GET3: variants seen among roughly 807,000 people sequenced by gnomAD.
GET3 encodes the protein guided entry of tail-anchored proteins factor 3, ATPase.
Under a neutral mutation model 32.4 loss-of-function variants are expected in GET3, and 15 were observed. The ratio of observed to expected loss-of-function variants is 0.46; its 90% confidence interval spans 0.31 to 0.71. GET3 has a LOEUF of 0.71. GET3 is among the 30% of genes least tolerant of loss of function. The pLI is 0.05. For synonymous variants in GET3, 198 were observed against 185.6 expected (o/e 1.07, Z -0.54); for missense variants, 333 against 459.0 (o/e 0.73, Z 2.51).
chr19:12,744,566 C>T (rs1023906766), intron 2 of GET3, among the ~76,000 whole-genome samples: 5 of 152,244 alleles, frequency 3.3e-5, no homozygotes, highest in Admixed American at 6.5e-5. Flanking sequence ...GTGATCTGCC[C>T]GCCTCCGCTT....
rs762315135 is a variant in GET3 at position 12,747,395 on chromosome 19, G to C, written c.718G>C (p.Glu240Gln). The C allele has an allele frequency of 1.2e-6, 2 of 1,614,016 alleles. No homozygotes were observed. Residue 240 changes from glutamate to glutamine, a missense_variant and splice_region_variant, in exon 6 of 7, where the codon GAG becomes CAG. This residue lies in a region of GET3 where 230 missense variants were observed against 389.2 expected (regional missense o/e 0.59). Coordinates refer to ENST00000357332, the MANE Select transcript of GET3 (RefSeq NM_004317.4). The surrounding 1 kb of genome is among the most constrained non-coding windows in gnomAD (Gnocchi z 4.0). ...CACTGTCCTCTCTCGTGCCCTGTAG[G>C]AGCAGACAACTTTCATCTGCGTATG... ...RSVSEQFKDP[E>Q]QTTFICVCIA...
intron 2 of GET3, among the ~76,000 whole-genome samples, chr19:12,743,886 C>T (rs1211034966): frequency 3.5e-5 from 5 of 144,500 alleles, no homozygotes; most frequent in East Asian, 2.2e-4. Flanking sequence ...CCCGCCACCT[C>T]GCCCGGCTAA....
chr19:12,742,143 A>G (rs1215347978), intron 2 of GET3, among the ~76,000 whole-genome samples: 4 of 151,960 alleles, frequency 2.6e-5, no homozygotes, highest in Non-Finnish European at 4.4e-5. Flanking sequence ...GTGTGTGCCT[A>G]TAGTCCCAGT....
intron 2 of GET3, among the ~76,000 whole-genome samples, chr19:12,744,160 G>A (rs1032615219): frequency 8.2e-5 from 12 of 147,194 alleles, no homozygotes; most frequent in African/African-American, 3.0e-4. Context: ...AGGTTGTGAT[G>A]AGCTGAGATC....
In GET3 at chr19:12,744,008, G is replaced by A. The variant is rs531040173; in HGVS notation, c.310-1369G>A. Among the ~76,000 whole-genome samples the A allele has an allele frequency of 2.0e-3, 294 of 144,984 alleles. 1 individual carries two copies. Among genetic ancestry groups the A allele is most frequent in the African/African-American group, 7.2e-3 (281 of 39,104 alleles). Reference sequence around the variant, plus strand: ...GGCCTCCCAAAGTGCTGGGATTACAGGCGTGAGCCACCACGCCCGGCCAAG... The same window carrying A: ...GGCCTCCCAAAGTGCTGGGATTACAAGCGTGAGCCACCACGCCCGGCCAAG... On this transcript the variant is annotated intron_variant, in intron 2 of 6. Coordinates refer to ENST00000357332, the MANE Select transcript of GET3 (RefSeq NM_004317.4).
At chr19:12,743,349 G>T (rs1967704483) in intron 2 of GET3, among the ~76,000 whole-genome samples, 1 of 151,956 alleles carries the variant, frequency 6.6e-6, no homozygotes, top group Admixed American at 6.6e-5. Context: ...GGTGGCGCAT[G>T]CCTGTAATCC....
In GET3 at chr19:12,747,871, G is replaced by T; in HGVS notation, c.916-102G>T. 7.7e-7 allele frequency: 1 copy of T among 1,296,516 alleles called. No individual in the cohort carries two copies. The allele number at this position is 1,296,516 out of a possible 1,614,324, so 80.3% of individuals were successfully genotyped here. ...AGCTCCTGCCCTATATTCTCTCCCT[G>T]ACTCTGGAAGCTTTCTAGCTTTACC... is the stretch of plus-strand genomic sequence containing the variant. On this transcript the variant is annotated intron_variant, in intron 6 of 6. Transcript: ENST00000357332. This position sits in a 1 kb window ranked among gnomAD's most constrained non-coding sequence, Gnocchi z 4.0.
chr19:12,738,488 CTT>C, intron 1 of GET3, 21 bp from the exon 2 acceptor site: 1 of 1,613,480 alleles, frequency 6.2e-7, no homozygotes, highest in Non-Finnish European at 8.5e-7. Flanking sequence ...CATCCCCTAT[CTT>C]TTGACTTTTC....
At chr19:12,740,666 G>A (rs1040469407) in intron 2 of GET3, among the ~76,000 whole-genome samples, 2 of 152,142 alleles carry the variant, frequency 1.3e-5, no homozygotes, top group Admixed American at 1.3e-4. Context: ...AACGGAGCGA[G>A]ACTCAACAAA....
upstream of GET3, chr19:12,737,372 TTA>T: frequency 8.4e-7 from 1 of 1,189,752 alleles, no homozygotes; most frequent in African/African-American, 1.6e-5. Flanking sequence ...AAAATATAAT[TTA>T]TATTTCTCCT....
At chr19:12,743,663 G>A (rs1967712538) in intron 2 of GET3, among the ~76,000 whole-genome samples, 2 of 148,110 alleles carry the variant, frequency 1.4e-5, no homozygotes, top group African/African-American at 4.9e-5. Flanking sequence ...GGTGGCGGGC[G>A]CCTGTAGTCC....
Position 12,745,251 on chromosome 19 carries a change from C to A in GET3, c.310-126C>A. Reference sequence around the variant, plus strand: ...CGTGACCTAATGAAATGCCTGTGGTCACAGCCCACCACAGGCTCCCTCTGG... The same window carrying A: ...CGTGACCTAATGAAATGCCTGTGGTAACAGCCCACCACAGGCTCCCTCTGG... On this transcript the variant is annotated intron_variant, in intron 2 of 6. Coordinates refer to ENST00000357332, the MANE Select transcript of GET3 (RefSeq NM_004317.4). The surrounding 1 kb of genome is among the most constrained non-coding windows in gnomAD (Gnocchi z 5.0). The A allele has an allele frequency of 9.0e-7, 1 of 1,113,874 alleles. No individual in the cohort carries two copies. The highest frequency in any genetic ancestry group is 1.3e-6 in the Non-Finnish European group (1 of 784,416). The allele number at this position is 1,113,874 out of a possible 1,614,324, so 69.0% of individuals were successfully genotyped here. A position where few individuals can be genotyped will look rare whatever the true frequency, so the allele number is the denominator to read the frequency against.
At chr19:12,740,880 C>G (rs1358908085) in intron 2 of GET3, among the ~76,000 whole-genome samples, 1 of 152,120 alleles carries the variant, frequency 6.6e-6, no homozygotes, top group Non-Finnish European at 1.5e-5. Context: ...AATGGCTTCT[C>G]TTTCTCACCA....
At chr19:12,740,184 C>T (rs910108790) in intron 2 of GET3, among the ~76,000 whole-genome samples, 13 of 151,710 alleles carry the variant, frequency 8.6e-5, no homozygotes, top group African/African-American at 3.2e-4. Flanking sequence ...AGATCAAGAC[C>T]CTCCTGGCTA....
At position 12,745,441 on chromosome 19, in the gene GET3, T is replaced by G; in HGVS notation, c.374T>G (p.Leu125Arg). Residue 125 changes from leucine to arginine, a missense_variant, in exon 3 of 7, where the codon CTG (leucine) becomes CGG (arginine). Leu to Arg is a moderately radical substitution (Grantham distance 102, BLOSUM62 -2). This residue lies in a region of GET3 where 230 missense variants were observed against 389.2 expected (regional missense o/e 0.59). Transcript: ENST00000357332. The surrounding 1 kb of genome is among the most constrained non-coding windows in gnomAD (Gnocchi z 5.0). ...GAGTTCTTCGAGGAGGACAACATGC[T>G]GAGCATGGGCAAGAAGATGATGCAG... ...PDEFFEEDNM[L>R]SMGKKMMQEA... 1.2e-6 allele frequency: 2 copies of G among 1,613,110 alleles called. No individual in the cohort carries two copies. The highest frequency in any genetic ancestry group is 1.7e-6 in the Non-Finnish European group (2 of 1,179,982).
rs1967763138 is a variant in GET3 at position 12,745,890 on chromosome 19, C to T, written c.609+131C>T. The T allele has an allele frequency of 7.8e-7, 1 of 1,288,450 alleles. No individual in the cohort carries two copies. Among genetic ancestry groups the T allele is most frequent in the South Asian group, 1.5e-5 (1 of 66,318 alleles). 79.8% of individuals were successfully genotyped at this position (1,288,450 alleles called of 1,614,324 possible). The stretch of plus-strand genomic sequence containing the variant: ...ACCCCTTCTCACTCTGGACTTCTCC[C>T]TGGAGGGGATGGGACGGAGCTGTCT... On this transcript the variant is annotated intron_variant, in intron 4 of 6. Transcript: ENST00000357332. This position sits in a 1 kb window ranked among gnomAD's most constrained non-coding sequence, Gnocchi z 5.0.
chr19:12,738,728 C>A, intron 2 of GET3, 70 bp downstream of exon 2: 1 of 1,586,318 alleles, frequency 6.3e-7, no homozygotes, highest in Non-Finnish European at 8.6e-7. Flanking sequence ...GCGCACACAC[C>A]AGCAGCCACC....
Position 12,745,417 on chromosome 19 carries a change from A to C in GET3, c.350A>C (p.Glu117Ala). 1 of 1,612,596 alleles carries C rather than the reference A, an allele frequency of 6.2e-7. No homozygotes were observed. The highest frequency in any genetic ancestry group is 1.1e-5 in the South Asian group (1 of 91,086). The change falls in exon 3 of 7, where the codon GAG becomes GCG. Residue 117 changes from glutamate (E) to alanine (A), a missense_variant. Glu to Ala is a moderately radical substitution (Grantham distance 107). Coordinates refer to ENST00000357332, the MANE Select transcript of GET3 (RefSeq NM_004317.4). This position sits in a 1 kb window ranked among gnomAD's most constrained non-coding sequence, Gnocchi z 5.0. The part of the protein sequence containing the change: ...PSLGVAELPD[E>A]FFEEDNMLSM... ...CTGGGCGTGGCGGAGCTGCCTGACG[A>C]GTTCTTCGAGGAGGACAACATGCTG... is the stretch of plus-strand genomic sequence containing the variant.
intron 2 of GET3, among the ~76,000 whole-genome samples, chr19:12,744,577 C>G (rs1967735610): frequency 6.6e-6 from 1 of 152,320 alleles, no homozygotes; most frequent in South Asian, 2.1e-4. Context: ...GCCTCCGCTT[C>G]CCAAAGGGCT....
Sources: gnomAD v4.1 joint callset for allele counts (sites outside exome capture counted in the v4.1 genomes callset) on GRCh38, gnomAD v4.1.1 for gene constraint, gnomAD v4.1.1 regional missense constraint, Gnocchi (gnomAD v3.1) non-coding constraint, MANE v1.5 for transcripts, NCBI Gene and HGNC (gene_info 2026-07-23, HGNC 2026-07-21) for gene names.